Variants in AFG2A observed in about 807,000 individuals in gnomAD.
AFG2A encodes ATPase family gene 2 protein homolog A.
chr4:122,950,716 T>C, the AFG2A span, among the ~76,000 whole-genome samples: 1 of 152,202 alleles, frequency 6.6e-6, no homozygotes, highest in African/African-American at 2.4e-5. Context: ...GCTTGCTGGG[T>C]TATGCTCGTT....
At chr4:122,941,546 G>A in the AFG2A span, among the ~76,000 whole-genome samples, 2 of 152,218 alleles carry the variant, frequency 1.3e-5, no homozygotes, top group African/African-American at 4.8e-5. Flanking sequence ...GAGACAGTGG[G>A]GTTTTCTAGA....
the AFG2A span, among the ~76,000 whole-genome samples, chr4:123,146,139 C>T: frequency 2.0e-5 from 3 of 152,036 alleles, no homozygotes; most frequent in Admixed American, 6.6e-5. Context: ...AAGATTTTAT[C>T]CAACTAACTT....
the AFG2A span, among the ~76,000 whole-genome samples, chr4:123,074,024 A>G: frequency 2.0e-5 from 3 of 151,516 alleles, no homozygotes; most frequent in Non-Finnish European, 4.4e-5. Context: ...TGCCTTCAAC[A>G]TTTCAGAGTT....
chr4:123,173,558 G>A, the AFG2A span, among the ~76,000 whole-genome samples: 1 of 151,802 alleles, frequency 6.6e-6, no homozygotes, highest in African/African-American at 2.4e-5. Context: ...GTTTCACCAT[G>A]TTGGCCAGGC....
At chr4:123,017,185 G>A in the AFG2A span, among the ~76,000 whole-genome samples, 1 of 55,230 alleles carries the variant, frequency 1.8e-5, no homozygotes, top group Non-Finnish European at 3.3e-5. Context: ...AGGGGGGAGA[G>A]GGAAAGGGAG....
chr4:123,244,854 T>C, the AFG2A span, among the ~76,000 whole-genome samples: 4 of 128,862 alleles, frequency 3.1e-5, no homozygotes, highest in Non-Finnish European at 6.9e-5. Flanking sequence ...TCACCTTACA[T>C]TGTGATTTCT....
chr4:123,261,045 T>C, the AFG2A span, among the ~76,000 whole-genome samples: 1 of 152,160 alleles, frequency 6.6e-6, no homozygotes, highest in African/African-American at 2.4e-5. Context: ...GTGCTCCCTA[T>C]GAGAATCTAA....
chr4:123,039,458 C>A, the AFG2A span, among the ~76,000 whole-genome samples: 2 of 151,966 alleles, frequency 1.3e-5, no homozygotes, highest in Admixed American at 6.6e-5. Context: ...CAAAAACACA[C>A]TCTGCTGTTT....
At chr4:123,107,398 C>T in the AFG2A span, among the ~76,000 whole-genome samples, 1 of 152,230 alleles carries the variant, frequency 6.6e-6, no homozygotes, top group Non-Finnish European at 1.5e-5. Flanking sequence ...TAGCTCCTTT[C>T]TGCAGCTAGT....
chr4:123,138,261 A>G, the AFG2A span, among the ~76,000 whole-genome samples: 1 of 152,144 alleles, frequency 6.6e-6, no homozygotes, highest in African/African-American at 2.4e-5. Flanking sequence ...AACACAGCTA[A>G]GTGGCAGAGC....
chr4:123,027,159 C>G, the AFG2A span, among the ~76,000 whole-genome samples: 2 of 152,008 alleles, frequency 1.3e-5, no homozygotes, highest in African/African-American at 4.8e-5. Context: ...ATTGATCTCT[C>G]TGATGAATCT....
the AFG2A span, among the ~76,000 whole-genome samples, chr4:123,232,018 T>G: frequency 6.6e-6 from 1 of 151,982 alleles, no homozygotes; most frequent in Non-Finnish European, 1.5e-5. Context: ...TTTAAAATGT[T>G]GCAAAATTAC....
At chr4:123,173,911 A>T in the AFG2A span, among the ~76,000 whole-genome samples, 1 of 152,172 alleles carries the variant, frequency 6.6e-6, no homozygotes. Flanking sequence ...CCAAAGCTTT[A>T]ATCAAACTTT....
chr4:123,279,577 T>C, the AFG2A span, among the ~76,000 whole-genome samples: 1 of 152,208 alleles, frequency 6.6e-6, no homozygotes, highest in African/African-American at 2.4e-5. Context: ...AGTTTTCTAA[T>C]AGGTATAGTA....
chr4:123,229,700 A>G, the AFG2A span, among the ~76,000 whole-genome samples: 2 of 151,974 alleles, frequency 1.3e-5, no homozygotes, highest in African/African-American at 4.8e-5. Context: ...CCGTTTCCTG[A>G]GAATGGAAAT....
the AFG2A span, among the ~76,000 whole-genome samples, chr4:123,072,260 TA>T: frequency 5.9e-5 from 9 of 152,298 alleles, no homozygotes; most frequent in South Asian, 1.9e-3. Context: ...CAGAGCAACT[TA>T]CACATGTGTC....
At chr4:122,962,800 A>G in the AFG2A span, among the ~76,000 whole-genome samples, 5 of 152,062 alleles carry the variant, frequency 3.3e-5, no homozygotes, top group African/African-American at 1.2e-4. Context: ...ATACTTATTC[A>G]GAATTTGACC....
At chr4:123,075,818 G>A in the AFG2A span, among the ~76,000 whole-genome samples, 1 of 151,652 alleles carries the variant, frequency 6.6e-6, no homozygotes, top group African/African-American at 2.4e-5. Context: ...TTAGCTGGGC[G>A]TGGTGGCACA....
the AFG2A span, among the ~76,000 whole-genome samples, chr4:123,045,519 A>G: frequency 1.3e-5 from 2 of 152,164 alleles, no homozygotes; most frequent in African/African-American, 4.8e-5. Context: ...TCTTTACTTT[A>G]GTGACCTTGA....
Sources: gnomAD v4.1 joint callset for allele counts (sites outside exome capture counted in the v4.1 genomes callset) on GRCh38, gnomAD v4.1.1 for gene constraint, MANE v1.5 for transcripts, NCBI Gene and HGNC (gene_info 2026-07-23, HGNC 2026-07-21) for gene names.